Variants in PPHLN1 observed in about 807,000 individuals in gnomAD.
PPHLN1 encodes the protein periphilin-1.
A neutral mutation model predicts 51.3 loss-of-function variants in PPHLN1; 29 were observed. That is an observed-to-expected ratio of 0.57 (90% confidence interval 0.42 to 0.77). The LOEUF is 0.77. Ranked by LOEUF, PPHLN1 falls within the 30% of genes least tolerant of loss-of-function variation. The probability of loss-of-function intolerance (pLI) is 0.00; values close to 1 mark genes in which losing one functional copy is unlikely to be tolerated. For synonymous variants in PPHLN1, 147 were observed against 147.8 expected, an observed-to-expected ratio of 0.99 and a Z score of 0.04; for missense variants, 436 against 438.4, an observed-to-expected ratio of 0.99 and a Z score of 0.05.
chr12:42,330,566 A>C (rs2069559737), intron 1 of PPHLN1, among the ~76,000 whole-genome samples: 1 of 152,224 alleles, frequency 6.6e-6, no homozygotes, highest in Non-Finnish European at 1.5e-5. Flanking sequence ...TGTTGTTAAC[A>C]AGGCACATCC....
chr12:42,418,003 G>A (rs2080595311), intron 9 of PPHLN1, among the ~76,000 whole-genome samples: 1 of 133,728 alleles, frequency 7.5e-6, no homozygotes, highest in Admixed American at 8.7e-5. Flanking sequence ...GCTGTGGCGT[G>A]GTCTCAGCTC....
At chr12:42,365,298 TGACTA>T (rs2075150557) in intron 4 of PPHLN1, among the ~76,000 whole-genome samples, 1 of 152,248 alleles carries the variant, frequency 6.6e-6, no homozygotes, top group Non-Finnish European at 1.5e-5. Flanking sequence ...AAGTCCCTAT[TGACTA>T]GAAAGGAAGT....
At chr12:42,384,883 GTTCC>G in intron 5 of PPHLN1, 53 bp from the exon 6 acceptor site, 1 of 1,494,538 alleles carries the variant, frequency 6.7e-7, no homozygotes, top group Non-Finnish European at 9.3e-7. Flanking sequence ...TTCTTCTCTT[GTTCC>G]TCTTGGGCAC....
intron 4 of PPHLN1, among the ~76,000 whole-genome samples, chr12:42,373,499 C>G (rs2075985375): frequency 6.6e-6 from 1 of 152,192 alleles, no homozygotes; most frequent in African/African-American, 2.4e-5. Flanking sequence ...GACTGCCAAT[C>G]AAGATGCTGA....
chr12:42,408,905 G>C (rs1292273286), intron 9 of PPHLN1, among the ~76,000 whole-genome samples: 2 of 151,960 alleles, frequency 1.3e-5, no homozygotes, highest in Non-Finnish European at 2.9e-5. Flanking sequence ...CACTTAACTG[G>C]GTTCTAAGAC....
rs1050305482 is a variant in PPHLN1, at chr12:42,441,847, G to T, written c.*338G>T. ...ACACATATACCATCTGAAAATGTTAGAATTCTGAGTTGTGATTTTATTGAC... is the reference window on the plus strand; with the variant it reads ...ACACATATACCATCTGAAAATGTTATAATTCTGAGTTGTGATTTTATTGAC... On this transcript the variant is annotated 3_prime_UTR_variant, in exon 10 of 10. Transcript: ENST00000358314. 1.3e-5 allele frequency: 13 copies of T among 1,022,074 alleles called. No homozygotes were observed. In the African/African-American group the frequency reaches 2.2e-4, roughly 17 times the overall value. The allele number at this position is 1,022,074 out of a possible 1,614,324, so 63.3% of individuals were successfully genotyped here.
At chr12:42,395,596 T>C (rs2078131335) in intron 8 of PPHLN1, among the ~76,000 whole-genome samples, 1 of 152,032 alleles carries the variant, frequency 6.6e-6, no homozygotes, top group African/African-American at 2.4e-5. Flanking sequence ...AATATAATTT[T>C]GGCCTTGGTC....
chr12:42,354,173 G>A (rs1299504843), intron 3 of PPHLN1, among the ~76,000 whole-genome samples: 5 of 152,094 alleles, frequency 3.3e-5, no homozygotes, highest in African/African-American at 1.2e-4. Flanking sequence ...AGACGAATCC[G>A]TTTTCCTGAT....
At chr12:42,359,573 T>G (rs2074399461) in intron 4 of PPHLN1, 1 of 152,228 alleles carries the variant, frequency 6.6e-6, no homozygotes, top group Non-Finnish European at 1.5e-5. Flanking sequence ...TCTATCTGGC[T>G]TCTGTAAGCT....
At chr12:42,339,002 T>G (rs2178753) in intron 2 of PPHLN1, among the ~76,000 whole-genome samples, 2 of 152,058 alleles carry the variant, frequency 1.3e-5, no homozygotes, top group Admixed American at 1.3e-4. Context: ...TCATTTAATA[T>G]TATCTGTGTT....
chr12:42,400,773 CTT>C (rs1491265801), intron 9 of PPHLN1, among the ~76,000 whole-genome samples: 18 of 144,488 alleles, frequency 1.2e-4, no homozygotes, highest in Admixed American at 7.8e-4. Context: ...CTCTCTCTCT[CTT>C]TCTCTCTCTC....
At chr12:42,448,358 A>ATTTTTTT, downstream of PPHLN1, 1 of 131,598 alleles carries the variant, frequency 7.6e-6, no homozygotes, top group Non-Finnish European at 1.6e-5. Flanking sequence ...AATCTATTTG[A>ATTTTTTT]TTTTTTTTTT....
chr12:42,435,373 T>C (rs768414068), intron 9 of PPHLN1, among the ~76,000 whole-genome samples: 2 of 152,226 alleles, frequency 1.3e-5, no homozygotes, highest in Non-Finnish European at 2.9e-5. Context: ...ATAATGCATT[T>C]CTTAGCAACC....
chr12:42,349,907 A>T (rs985756266), intron 2 of PPHLN1, among the ~76,000 whole-genome samples: 2 of 152,112 alleles, frequency 1.3e-5, no homozygotes, highest in African/African-American at 4.8e-5. Context: ...GCCCGTCCTC[A>T]GTGAGCTGTT....
intron 9 of PPHLN1, among the ~76,000 whole-genome samples, chr12:42,418,389 G>C (rs1458779684): frequency 6.6e-6 from 1 of 151,376 alleles, no homozygotes; most frequent in East Asian, 1.9e-4. Flanking sequence ...TTTTCCTGAC[G>C]TGTAAACGTG....
intron 2 of PPHLN1, among the ~76,000 whole-genome samples, chr12:42,340,991 T>TTG (rs2071407102): frequency 6.6e-6 from 1 of 150,976 alleles, no homozygotes; most frequent in Non-Finnish European, 1.5e-5. Context: ...TTCTTTTTTT[T>TTG]TTTTTTTGAG....
At chr12:42,426,618 GC>G (rs2081524248) in intron 9 of PPHLN1, among the ~76,000 whole-genome samples, 1 of 152,070 alleles carries the variant, frequency 6.6e-6, no homozygotes, top group South Asian at 2.1e-4. Flanking sequence ...CTTCTAATTT[GC>G]CAGGAATTTT....
chr12:42,415,247 C>T (rs1249310898), intron 9 of PPHLN1, among the ~76,000 whole-genome samples: 1 of 152,228 alleles, frequency 6.6e-6, no homozygotes, highest in East Asian at 1.9e-4. Flanking sequence ...TCTCAGCTCA[C>T]TGCAACCTCT....
chr12:42,376,026 T>C (rs1342226716), intron 5 of PPHLN1, among the ~76,000 whole-genome samples: 1 of 152,228 alleles, frequency 6.6e-6, no homozygotes, highest in Non-Finnish European at 1.5e-5. Context: ...ATAATTGATA[T>C]GTCATAAATG....
Sources: gnomAD v4.1 joint callset for allele counts (sites outside exome capture counted in the v4.1 genomes callset) on GRCh38, gnomAD v4.1.1 for gene constraint, MANE v1.5 for transcripts, NCBI Gene and HGNC (gene_info 2026-07-23, HGNC 2026-07-21) for gene names.